CHIC2: variants seen among roughly 807,000 people sequenced by gnomAD.
The protein encoded by CHIC2 is cysteine rich hydrophobic domain 2.
A neutral mutation model predicts 25.9 loss-of-function variants in CHIC2; 14 were observed. The ratio of observed to expected loss-of-function variants is 0.54; its 90% CI spans 0.36 to 0.85. The LOEUF is 0.85. Among genes scored for constraint, CHIC2 ranks in the 40% least tolerant of loss-of-function variants. The pLI is 0.01. For synonymous variants in CHIC2, 70 were observed against 72.0 expected, an observed-to-expected ratio of 0.97 and a Z score of 0.14; for missense variants, 146 against 202.0, an observed-to-expected ratio of 0.72 and a Z score of 1.68.
At chr4:54,051,956 TACTA>T (rs1279593115) in intron 1 of CHIC2, among the ~76,000 whole-genome samples, 3 of 152,222 alleles carry the variant, frequency 2.0e-5, no homozygotes, top group Non-Finnish European at 4.4e-5. Flanking sequence ...CACACTTCTT[TACTA>T]ATAAGACTGT....
the CHIC2 span, among the ~76,000 whole-genome samples, chr4:54,081,192 G>A: frequency 1.3e-5 from 2 of 151,434 alleles, no homozygotes; most frequent in Non-Finnish European, 1.5e-5. Flanking sequence ...GTCTCACTAT[G>A]TTACCCAGGC....
the CHIC2 span, among the ~76,000 whole-genome samples, chr4:54,082,232 A>G: frequency 2.0e-5 from 3 of 152,224 alleles, no homozygotes; most frequent in East Asian, 5.8e-4. Flanking sequence ...GGTGGATAAG[A>G]CAGAACATTT....
At chr4:54,033,264 T>A (rs1173165410) in intron 3 of CHIC2, among the ~76,000 whole-genome samples, 1 of 152,232 alleles carries the variant, frequency 6.6e-6, no homozygotes, top group Non-Finnish European at 1.5e-5. Context: ...AATGTTATCA[T>A]TATGGTTTTA....
chr4:54,022,189 G>T (rs201687878), intron 3 of CHIC2, among the ~76,000 whole-genome samples: 1 of 152,026 alleles, frequency 6.6e-6, no homozygotes, highest in Non-Finnish European at 1.5e-5. Flanking sequence ...TGTCCAACTC[G>T]CCCGGCAGCC....
At chr4:54,032,318 C>T (rs955325370) in intron 3 of CHIC2, among the ~76,000 whole-genome samples, 5 of 147,368 alleles carry the variant, frequency 3.4e-5, no homozygotes, top group African/African-American at 7.6e-5. Flanking sequence ...GATGCCGAGC[C>T]GAAGCTGGAC....
chr4:54,085,822 G>C, the CHIC2 span, among the ~76,000 whole-genome samples: 2 of 152,050 alleles, frequency 1.3e-5, no homozygotes, highest in African/African-American at 4.8e-5. Context: ...ATTTAGCCAG[G>C]AGGTCTGGAA....
intron 3 of CHIC2, among the ~76,000 whole-genome samples, chr4:54,047,006 C>T (rs1577980710): frequency 6.6e-6 from 1 of 152,318 alleles, no homozygotes; most frequent in African/African-American, 2.4e-5. Context: ...ACAGACACTT[C>T]TCAAAAGAAG....
intron 3 of CHIC2, among the ~76,000 whole-genome samples, chr4:54,029,783 G>A (rs539190622): frequency 5.3e-5 from 8 of 152,122 alleles, no homozygotes; most frequent in Non-Finnish European, 7.4e-5. Context: ...TTAATACATC[G>A]GTATAACTGA....
the CHIC2 span, among the ~76,000 whole-genome samples, chr4:54,091,868 G>A: frequency 6.6e-6 from 1 of 152,328 alleles, no homozygotes; most frequent in East Asian, 1.9e-4. Context: ...GAGCTTGCGC[G>A]CAGACACACT....
chr4:54,030,615 T>C (rs1207800295), intron 3 of CHIC2, among the ~76,000 whole-genome samples: 1 of 147,528 alleles, frequency 6.8e-6, no homozygotes, highest in East Asian at 2.0e-4. Context: ...TTATAAAATA[T>C]ATAAATATAT....
At chr4:54,040,437 C>T (rs906172649) in intron 3 of CHIC2, among the ~76,000 whole-genome samples, 1 of 151,396 alleles carries the variant, frequency 6.6e-6, no homozygotes, top group African/African-American at 2.4e-5. Context: ...CACGGTGGCT[C>T]ACACCTGAAT....
the CHIC2 span, among the ~76,000 whole-genome samples, chr4:54,070,456 C>T: frequency 6.6e-6 from 1 of 151,880 alleles, no homozygotes; most frequent in Admixed American, 6.6e-5. Flanking sequence ...GGAGTTTACT[C>T]TTGTCGCCCA....
At chr4:54,050,965 A>G (rs1003321019) in intron 1 of CHIC2, among the ~76,000 whole-genome samples, 1 of 152,018 alleles carries the variant, frequency 6.6e-6, no homozygotes, top group Non-Finnish European at 1.5e-5. Flanking sequence ...GACCTTATCT[A>G]TTCTAAAGAA....
At chr4:54,068,798 T>C (rs1023788149), upstream of CHIC2, among the ~76,000 whole-genome samples, 79 of 152,288 alleles carry the variant, frequency 5.2e-4, no homozygotes, top group African/African-American at 1.8e-3. Context: ...TCCCACAGGT[T>C]GAGGGCTCAG....
upstream of CHIC2, chr4:54,064,609 G>A (rs1717457401): frequency 1.1e-5 from 13 of 1,166,302 alleles, no homozygotes; most frequent in Non-Finnish European, 1.2e-5. The surrounding 1 kb of genome is among the most constrained non-coding windows in gnomAD (Gnocchi z 4.2). Context: ...GGAAACCACA[G>A]CAACAGCCCG....
At chr4:54,087,321 C>A in the CHIC2 span, 1 of 572,180 alleles carries the variant, frequency 1.7e-6, no homozygotes. Flanking sequence ...CCATGGCTTG[C>A]TGGGGACTGG....
At chr4:54,065,056 T>C (rs1216627620), upstream of CHIC2, among the ~76,000 whole-genome samples, 1 of 152,276 alleles carries the variant, frequency 6.6e-6, no homozygotes, top group African/African-American at 2.4e-5. Context: ...ATCTCGCTTT[T>C]CCTCAGGTTT....
At chr4:54,067,923 C>CG (rs1277547350), upstream of CHIC2, among the ~76,000 whole-genome samples, 3 of 150,000 alleles carry the variant, frequency 2.0e-5, no homozygotes, top group Non-Finnish European at 4.5e-5. Context: ...ATTTTGTCCC[C>CG]CCCCCCAAAT....
chr4:54,035,335 G>T (rs1716353065), intron 3 of CHIC2, among the ~76,000 whole-genome samples: 1 of 152,046 alleles, frequency 6.6e-6, no homozygotes, highest in African/African-American at 2.4e-5. Context: ...CTTAAATTTT[G>T]TAAGAATACA....
Sources: allele counts gnomAD v4.1 joint callset (sites outside exome capture counted in the v4.1 genomes callset), GRCh38; gene constraint gnomAD v4.1.1; non-coding constraint Gnocchi (gnomAD v3.1); transcripts MANE v1.5; gene names NCBI Gene and HGNC (gene_info 2026-07-23, HGNC 2026-07-21).